PDE10A: variants seen among roughly 807,000 people sequenced by gnomAD.
The protein encoded by PDE10A is phosphodiesterase 10A.
A neutral mutation model predicts 97.7 loss-of-function variants in PDE10A; 39 were observed. The ratio of observed to expected loss-of-function variants is 0.40; its 90% CI spans 0.31 to 0.52. The LOEUF is 0.52. PDE10A is among the 20% of genes least tolerant of loss of function. The probability of loss-of-function intolerance (pLI) is 0.56; values close to 1 mark genes in which losing one functional copy is unlikely to be tolerated. For synonymous variants in PDE10A, 371 were observed against 376.8 expected, an observed-to-expected ratio of 0.98 and a Z score of 0.18; for missense variants, 731 against 1,047.8, an observed-to-expected ratio of 0.70 and a Z score of 4.17.
intron 1 of PDE10A, among the ~76,000 whole-genome samples, chr6:165,779,922 C>CAA (rs1478128784): frequency 5.9e-5 from 9 of 152,198 alleles, no homozygotes; most frequent in African/African-American, 2.2e-4. Context: ...CTTCAATTCA[C>CAA]TCCGCTGGGC....
intron 17 of PDE10A, among the ~76,000 whole-genome samples, chr6:165,379,604 T>G (rs1020829345): frequency 6.6e-6 from 1 of 152,184 alleles, no homozygotes; most frequent in Non-Finnish European, 1.5e-5. Flanking sequence ...ATTGCAACTA[T>G]AATAACATCA....
chr6:165,614,939 C>T (rs1351397208), intron 1 of PDE10A, among the ~76,000 whole-genome samples: 1 of 152,002 alleles, frequency 6.6e-6, no homozygotes. Context: ...AGGCCAGGCG[C>T]AGTGGCTCAC....
intron 1 of PDE10A, among the ~76,000 whole-genome samples, chr6:165,623,550 A>T (rs1788247546): frequency 6.6e-6 from 1 of 152,238 alleles, no homozygotes; most frequent in South Asian, 2.1e-4. Flanking sequence ...AATGCTATCA[A>T]GGGAAGCACA....
chr6:165,538,792 G>A (rs1783249596), intron 2 of PDE10A, among the ~76,000 whole-genome samples: 2 of 152,118 alleles, frequency 1.3e-5, no homozygotes, highest in South Asian at 4.1e-4. Flanking sequence ...CAAAACAATG[G>A]ACCTTCATTA....
At chr6:165,540,545 T>C (rs1783370574) in intron 2 of PDE10A, among the ~76,000 whole-genome samples, 2 of 152,154 alleles carry the variant, frequency 1.3e-5, no homozygotes, top group South Asian at 4.1e-4. Context: ...ATGAAAACAC[T>C]CCCTGAAAAT....
At position 165,500,941 on chromosome 6, in the gene PDE10A, A is replaced by G. The variant is rs1424731836; in HGVS notation, c.995-18598T>C. Among the ~76,000 whole-genome samples the G allele has an allele frequency of 3.3e-5, 5 of 152,066 alleles. No homozygotes were observed. The East Asian group carries it at 9.7e-4, about 30-fold the overall frequency. On this transcript the variant is annotated intron_variant, in intron 2 of 21. Transcript: ENST00000539869. ...GTGTACGTGCACATCAAGGCACAGC[A>G]CCTTTTCTTTAACTTATTTATGACA...
chr6:165,554,916 C>T (rs1015880355), intron 1 of PDE10A, among the ~76,000 whole-genome samples: 9 of 151,968 alleles, frequency 5.9e-5, no homozygotes, highest in East Asian at 1.9e-4. Flanking sequence ...AAGCCAGGCA[C>T]GGAAAGACAA....
chr6:165,474,761 T>C (rs1779201213), intron 3 of PDE10A, among the ~76,000 whole-genome samples: 2 of 152,144 alleles, frequency 1.3e-5, no homozygotes, highest in Non-Finnish European at 2.9e-5. Context: ...TATTCAGACA[T>C]ACATCTAACA....
intron 2 of PDE10A, among the ~76,000 whole-genome samples, chr6:165,517,237 GTAAAA>G (rs1207383778): frequency 6.6e-6 from 1 of 152,040 alleles, no homozygotes; most frequent in African/African-American, 2.4e-5. Context: ...ATTGAAACTA[GTAAAA>G]TAAATATGAA....
At chr6:165,863,503 T>G (rs1445045255) in intron 1 of PDE10A, among the ~76,000 whole-genome samples, 1 of 152,204 alleles carries the variant, frequency 6.6e-6, no homozygotes, top group African/African-American at 2.4e-5. Flanking sequence ...CGAGCCCAAT[T>G]TGAAGCAAAA....
intron 1 of PDE10A, among the ~76,000 whole-genome samples, chr6:165,656,258 T>TCTCTCACACACACACACA (rs1365414526): frequency 7.7e-6 from 1 of 129,840 alleles, no homozygotes; most frequent in African/African-American, 3.1e-5. Flanking sequence ...TCTCTCTCTC[T>TCTCTCACACACACACACA]CACACACACA....
intron 1 of PDE10A, among the ~76,000 whole-genome samples, chr6:165,668,656 T>A (rs1275158140): frequency 2.0e-5 from 3 of 149,716 alleles, no homozygotes; most frequent in Non-Finnish European, 4.4e-5. Context: ...CCTTTCTCTT[T>A]ACAGAGAAAG....
At chr6:165,948,648 C>T (rs1411228929) in intron 1 of PDE10A, 1 of 152,416 alleles carries the variant, frequency 6.6e-6, no homozygotes, top group East Asian at 1.9e-4. Flanking sequence ...ATCAAGAAAC[C>T]ATCGAGGTGA....
chr6:165,574,364 T>C (rs916383525), intron 1 of PDE10A, among the ~76,000 whole-genome samples: 7 of 152,182 alleles, frequency 4.6e-5, no homozygotes, highest in African/African-American at 1.4e-4. Flanking sequence ...CTTTCAAATG[T>C]TGACCAATAT....
chr6:165,778,794 A>C (rs1351565186), intron 1 of PDE10A, among the ~76,000 whole-genome samples: 2 of 152,090 alleles, frequency 1.3e-5, no homozygotes, highest in African/African-American at 2.4e-5. Context: ...TGACCACTGG[A>C]GTTTTTTCTT....
intron 3 of PDE10A, among the ~76,000 whole-genome samples, chr6:165,472,637 CA>C (rs1055394439): frequency 6.6e-5 from 10 of 152,140 alleles, no homozygotes; most frequent in African/African-American, 2.4e-4. Flanking sequence ...AGCCGTTTTT[CA>C]AAAGGTCTTT....
At chr6:165,985,287 G>A (rs1785157340) in intron 1 of PDE10A, among the ~76,000 whole-genome samples, 1 of 152,212 alleles carries the variant, frequency 6.6e-6, no homozygotes, top group South Asian at 2.1e-4. Flanking sequence ...GTTCATCGGG[G>A]CCTACTTTAA....
At chr6:165,824,268 C>A (rs1044144088) in intron 1 of PDE10A, among the ~76,000 whole-genome samples, 4 of 152,026 alleles carry the variant, frequency 2.6e-5, no homozygotes, top group African/African-American at 7.2e-5. Context: ...GTTCAGTTTT[C>A]AAAAAAATTA....
rs549453689 is a variant in PDE10A, at chr6:165,577,311, C to G, written c.866-33743G>C. ...AATCTTTCTTCACCTACTCTACTCT[C>G]AGAAGTACTCTCCTGGGGGACGTGG... On this transcript the variant is annotated intron_variant, in intron 1 of 21. Transcript: ENST00000539869. Among the ~76,000 whole-genome samples the G allele has an allele frequency of 3.3e-5, 5 of 152,304 alleles. No individual in the cohort carries two copies. The East Asian group carries it at 9.7e-4, about 29-fold the overall frequency.
Sources: allele counts gnomAD v4.1 joint callset (sites outside exome capture counted in the v4.1 genomes callset), GRCh38; gene constraint gnomAD v4.1.1; transcripts MANE v1.5; gene names NCBI Gene and HGNC (gene_info 2026-07-23, HGNC 2026-07-21).